Variants in SYNRG observed in about 807,000 individuals in gnomAD.
SYNRG encodes AP1 gamma subunit binding protein 1.
A neutral mutation model predicts 130.9 loss-of-function variants in SYNRG; 37 were observed. The ratio of observed to expected loss-of-function variants is 0.28; its 90% CI spans 0.22 to 0.37. The LOEUF (loss-of-function observed/expected upper bound fraction) is 0.37. SYNRG is among the 10% of genes least tolerant of loss of function. SYNRG has a pLI of 1.00. For missense variants in SYNRG, 1,338 were observed against 1,588.9 expected, an observed-to-expected ratio of 0.84 and a Z score of 2.68; for synonymous variants, 539 against 568.1, an observed-to-expected ratio of 0.95 and a Z score of 0.73.
At chr17:37,567,000 A>T (rs1407092454) in intron 11 of SYNRG, 8 of 152,276 alleles carry the variant, frequency 5.3e-5, no homozygotes. Flanking sequence ...TTCATCAGGT[A>T]CTACAGCAGT....
chr17:37,600,318 C>T (rs772768556), intron 2 of SYNRG, 45 bp downstream of exon 2: 1 of 1,514,814 alleles, frequency 6.6e-7, no homozygotes, highest in South Asian at 1.3e-5. Context: ...GATTCAGAAA[C>T]ACAAGAGTGA....
intron 14 of SYNRG, among the ~76,000 whole-genome samples, chr17:37,546,192 C>T (rs1456822107): frequency 6.6e-6 from 1 of 152,084 alleles, no homozygotes; most frequent in East Asian, 1.9e-4. Flanking sequence ...TGGAATAACC[C>T]ACATTTTAGT....
chr17:37,520,805 T>G (rs1012896607), intron 19 of SYNRG, among the ~76,000 whole-genome samples, 157 bp from the exon 20 acceptor site: 2 of 152,112 alleles, frequency 1.3e-5, no homozygotes, highest in African/African-American at 4.8e-5. Context: ...ACTGGGAACC[T>G]GCCACGGTTC....
intron 19 of SYNRG, among the ~76,000 whole-genome samples, chr17:37,521,491 T>C (rs1050310728): frequency 1.3e-5 from 2 of 151,778 alleles, no homozygotes; most frequent in Non-Finnish European, 2.9e-5. Context: ...GGAAGGAATC[T>C]AGAGGGTGGG....
chr17:37,564,293 G>A (rs1334321558), intron 11 of SYNRG, among the ~76,000 whole-genome samples: 1 of 152,176 alleles, frequency 6.6e-6, no homozygotes. Flanking sequence ...GGTCTTATGT[G>A]CAGGCTCAAC....
At chr17:37,587,699 T>C (rs1429775020) in intron 3 of SYNRG, among the ~76,000 whole-genome samples, 2 of 152,230 alleles carry the variant, frequency 1.3e-5, no homozygotes, top group Admixed American at 6.5e-5. Flanking sequence ...AAACTGCTCT[T>C]GGTAACGTCA....
chr17:37,577,103 T>TA (rs2060896487), intron 7 of SYNRG, among the ~76,000 whole-genome samples: 1 of 152,212 alleles, frequency 6.6e-6, no homozygotes, highest in Non-Finnish European at 1.5e-5. Flanking sequence ...AGAGAGTTTT[T>TA]ATAAAATAAA....
At chr17:37,540,988 C>T (rs1048869756) in intron 15 of SYNRG, 1 of 987,328 alleles carries the variant, frequency 1.0e-6, no homozygotes, top group African/African-American at 1.7e-5. Flanking sequence ...ACACATTCCT[C>T]ATTCATTCTT....
chr17:37,603,357 C>T (rs777288979), intron 1 of SYNRG, among the ~76,000 whole-genome samples: 13 of 152,040 alleles, frequency 8.6e-5, no homozygotes, highest in Non-Finnish European at 1.5e-4. Flanking sequence ...ATAATAATAA[C>T]AACAACAACA....
At chr17:37,606,628 CT>C (rs906895897) in intron 1 of SYNRG, among the ~76,000 whole-genome samples, 5 of 148,714 alleles carry the variant, frequency 3.4e-5, no homozygotes, top group East Asian at 2.0e-4. Flanking sequence ...TCTTTCAACT[CT>C]TTTTTTTTTC....
intron 3 of SYNRG, among the ~76,000 whole-genome samples, chr17:37,593,816 G>A (rs768412305): frequency 4.0e-5 from 6 of 150,666 alleles, no homozygotes; most frequent in Non-Finnish European, 5.9e-5. Flanking sequence ...CCTGGGAGGC[G>A]GAGGTTGCAG....
rs190769925 is a variant in SYNRG at position 37,518,813 on chromosome 17, C to G, written c.*127G>C. ...CCGTGGGGATGACGGGGGCCCCGTC[C>G]CTTGCGGTGTTCTTCATATCGATTC... On this transcript the variant is annotated 3_prime_UTR_variant, in exon 22 of 22. Coordinates refer to ENST00000612223, the MANE Select transcript of SYNRG (RefSeq NM_007247.6). The G allele has an allele frequency of 7.1e-7, 1 of 1,403,068 alleles. No homozygotes were observed. The highest frequency in any genetic ancestry group is 9.6e-7 in the Non-Finnish European group (1 of 1,043,202). The allele number at this position is 1,403,068 out of a possible 1,614,324, so 86.9% of individuals were successfully genotyped here.
At chr17:37,520,964 C>A (rs538488386) in intron 19 of SYNRG, among the ~76,000 whole-genome samples, 1 of 151,810 alleles carries the variant, frequency 6.6e-6, no homozygotes, top group Non-Finnish European at 1.5e-5. Context: ...CACAAGGGAG[C>A]GGCACTTAGC....
At chr17:37,540,575 T>A (rs1269434976) in intron 15 of SYNRG, 32 bp from the exon 16 acceptor site, 1 of 1,606,732 alleles carries the variant, frequency 6.2e-7, no homozygotes, top group Non-Finnish European at 8.5e-7. Flanking sequence ...GTCAAAGGTT[T>A]TGGCTACTCA....
chr17:37,524,614 T>C (rs2158235), intron 19 of SYNRG, among the ~76,000 whole-genome samples: 103,674 of 152,200 alleles, frequency 0.68, 36,213 homozygotes, highest in East Asian at 0.95. Flanking sequence ...GTAGTGCAAC[T>C]GTGGTCACTC....
chr17:37,541,901 A>C, intron 15 of SYNRG, 71 bp downstream of exon 15: 1 of 1,384,150 alleles, frequency 7.2e-7, no homozygotes, highest in Non-Finnish European at 1.0e-6. Flanking sequence ...GCAACATTTT[A>C]TTCTTAAGAA....
At chr17:37,563,275 C>A (rs558965850) in intron 11 of SYNRG, among the ~76,000 whole-genome samples, 6 of 152,138 alleles carry the variant, frequency 3.9e-5, no homozygotes, top group Non-Finnish European at 5.9e-5. Context: ...GTGAGAAAGG[C>A]ATATATGATT....
At chr17:37,551,337 C>T (rs538100911) in intron 14 of SYNRG, among the ~76,000 whole-genome samples, 1 of 152,300 alleles carries the variant, frequency 6.6e-6, no homozygotes, top group East Asian at 1.9e-4. Context: ...TTTTAACAAC[C>T]GCTCTAAAGG....
chr17:37,538,462 A>G, intron 17 of SYNRG, 42 bp from the exon 18 acceptor site: 1 of 1,413,836 alleles, frequency 7.1e-7, no homozygotes, highest in Non-Finnish European at 9.8e-7. Context: ...AACTGAGAAA[A>G]GTCATTGCAA....
Sources: allele counts gnomAD v4.1 joint callset (sites outside exome capture counted in the v4.1 genomes callset), GRCh38; gene constraint gnomAD v4.1.1; transcripts MANE v1.5; gene names NCBI Gene and HGNC (gene_info 2026-07-23, HGNC 2026-07-21).